Variants in DNAH7 observed in about 807,000 individuals in gnomAD.
DNAH7 encodes dynein axonemal heavy chain 7.
Under a neutral mutation model 444.6 loss-of-function variants are expected in DNAH7, and 397 were observed. The ratio of observed to expected loss-of-function variants is 0.89; its 90% confidence interval spans 0.82 to 0.97. The LOEUF (loss-of-function observed/expected upper bound fraction) is 0.97, where lower values mean the gene tolerates loss of function less well. Among genes scored for constraint, DNAH7 ranks in the 50% least tolerant of loss-of-function variants. The pLI, the probability that DNAH7 is intolerant of heterozygous loss-of-function variation, is 0.00. For synonymous variants in DNAH7, 1,636 were observed against 1,624.4 expected (o/e 1.01, Z -0.17); for missense variants, 4,902 against 4,800.8 (o/e 1.02, Z -0.62).
At chr2:195,888,744 C>T (rs532499258) in intron 32 of DNAH7, 55 bp downstream of exon 32, 15 of 1,530,930 alleles carry the variant, frequency 9.8e-6, no homozygotes, top group Middle Eastern at 1.8e-4. Context: ...TAAGCAAATA[C>T]ATGCATTTAT....
chr2:196,057,492 G>C (rs544145353), intron 2 of DNAH7, among the ~76,000 whole-genome samples: 9 of 152,202 alleles, frequency 5.9e-5, no homozygotes, highest in African/African-American at 2.2e-4. Context: ...TAAAAAAAAT[G>C]CTTTGATTCT....
intron 5 of DNAH7, among the ~76,000 whole-genome samples, chr2:196,046,262 GGAA>G (rs1206528269): frequency 6.6e-6 from 1 of 152,150 alleles, no homozygotes; most frequent in Non-Finnish European, 1.5e-5. Context: ...GCCCATATGG[GGAA>G]GAAGATGATG....
intron 8 of DNAH7, among the ~76,000 whole-genome samples, chr2:196,021,037 G>A (rs1695348335): frequency 6.6e-6 from 1 of 152,116 alleles, no homozygotes; most frequent in Non-Finnish European, 1.5e-5. Flanking sequence ...AAAATATACA[G>A]CAAGGAGATT....
intron 27 of DNAH7, among the ~76,000 whole-genome samples, chr2:195,906,048 T>A (rs1254361925): frequency 6.6e-6 from 1 of 152,084 alleles, no homozygotes; most frequent in South Asian, 2.1e-4. Flanking sequence ...GGAATTATGC[T>A]TATAAAGATG....
chr2:195,787,866 G>A (rs947485775), intron 57 of DNAH7, among the ~76,000 whole-genome samples: 11 of 152,128 alleles, frequency 7.2e-5, no homozygotes, highest in African/African-American at 2.4e-4. Context: ...ATCCCAAGGA[G>A]CAGACGGAGA....
chr2:196,050,853 A>C (rs192511321), intron 3 of DNAH7, among the ~76,000 whole-genome samples: 322 of 152,330 alleles, frequency 2.1e-3, no homozygotes, highest in African/African-American at 7.2e-3. Flanking sequence ...GAGGCTCAAG[A>C]GGTAAGTGAC....
At chr2:195,898,890 A>C (rs908626551) in intron 28 of DNAH7, among the ~76,000 whole-genome samples, 16 of 152,222 alleles carry the variant, frequency 1.1e-4, no homozygotes, top group African/African-American at 3.9e-4. Flanking sequence ...ATTTACAAAA[A>C]TCCAAACTCA....
chr2:195,996,914 G>A (rs914980323), intron 12 of DNAH7, among the ~76,000 whole-genome samples: 6 of 152,126 alleles, frequency 3.9e-5, no homozygotes, highest in Admixed American at 1.3e-4. Flanking sequence ...CCCCCAGTGG[G>A]CATTTCAGGA....
intron 10 of DNAH7, among the ~76,000 whole-genome samples, chr2:196,004,384 T>C (rs1694232455): frequency 6.6e-6 from 1 of 152,174 alleles, no homozygotes; most frequent in Non-Finnish European, 1.5e-5. Context: ...AGATCAAAAA[T>C]AGTTGATGGT....
intron 5 of DNAH7, among the ~76,000 whole-genome samples, chr2:196,042,877 C>T (rs1696856362): frequency 6.6e-6 from 1 of 152,074 alleles, no homozygotes; most frequent in Non-Finnish European, 1.5e-5. Flanking sequence ...TGTATGTTCA[C>T]AAGAAGACGT....
At chr2:195,889,514 C>T (rs1701899452) in intron 31 of DNAH7, among the ~76,000 whole-genome samples, 1 of 152,042 alleles carries the variant, frequency 6.6e-6, no homozygotes, top group South Asian at 2.1e-4. Context: ...GATGGGGTTT[C>T]ACTATGTTGC....
chr2:195,922,923 G>A (rs979687015), intron 23 of DNAH7, among the ~76,000 whole-genome samples: 7 of 151,794 alleles, frequency 4.6e-5, no homozygotes, highest in South Asian at 4.2e-4. Flanking sequence ...GTGCAGTGGC[G>A]CAATCTCGGC....
intron 51 of DNAH7, among the ~76,000 whole-genome samples, chr2:195,813,133 G>A (rs1348967027): frequency 6.6e-6 from 1 of 152,044 alleles, no homozygotes; most frequent in Non-Finnish European, 1.5e-5. Context: ...GAATGTTCAA[G>A]GAAGCAAAAT....
chr2:196,015,851 T>C (rs898800993), intron 9 of DNAH7, among the ~76,000 whole-genome samples: 1 of 152,194 alleles, frequency 6.6e-6, no homozygotes, highest in Non-Finnish European at 1.5e-5. Context: ...GTAGCCCTTG[T>C]TGACTGTCCC....
intron 27 of DNAH7, chr2:195,902,629 C>T (rs1275366998): frequency 2.0e-5 from 3 of 152,128 alleles, no homozygotes; most frequent in African/African-American, 7.2e-5. Context: ...CACAAATATC[C>T]TATTCACCTC....
intron 46 of DNAH7, among the ~76,000 whole-genome samples, chr2:195,850,581 CT>C (rs1234934323): frequency 6.6e-6 from 1 of 152,088 alleles, no homozygotes; most frequent in Non-Finnish European, 1.5e-5. Flanking sequence ...TGCCAGGAAT[CT>C]ATAAAAGAGT....
chr2:196,024,771 AATATT>A (rs935965214), intron 7 of DNAH7, among the ~76,000 whole-genome samples: 47 of 152,230 alleles, frequency 3.1e-4, no homozygotes, highest in Non-Finnish European at 6.3e-4. Flanking sequence ...AATTGCTCTT[AATATT>A]ATATTTTCCT....
intron 53 of DNAH7, 97 bp from the exon 54 acceptor site, chr2:195,806,929 C>A (rs1696742703): frequency 1.2e-6 from 1 of 810,998 alleles, no homozygotes; most frequent in Non-Finnish European, 1.9e-6. Flanking sequence ...TAAATGAAAT[C>A]AAGAATGCTT....
In DNAH7 at chr2:195,886,211, A is replaced by C. The variant is rs1180683962; in HGVS notation, c.5468T>G (p.Phe1823Cys). ...VRSLMNLIDC[F>C]MDDFADEVKL... ...GACTTCATCAGCAAAATCATCCATA[A>C]AACAGTCTATTAGATTCATTAAGGA... The change falls in exon 34 of 65, where the codon TTT becomes TGT. Residue 1823 changes from phenylalanine (F) to cysteine (C), a missense_variant. Transcript: ENST00000312428. 6.2e-7 allele frequency: 1 copy of C among 1,613,820 alleles called. No homozygotes were observed. The highest frequency in any genetic ancestry group is 8.5e-7 in the Non-Finnish European group (1 of 1,179,950).
Sources: gnomAD v4.1 joint callset for allele counts (sites outside exome capture counted in the v4.1 genomes callset) on GRCh38, gnomAD v4.1.1 for gene constraint, MANE v1.5 for transcripts, NCBI Gene and HGNC (gene_info 2026-07-23, HGNC 2026-07-21) for gene names.